MEOX2: variants seen among roughly 807,000 people sequenced by gnomAD.
MEOX2 encodes mesenchyme homeobox 2, also known as homeobox protein MOX-2.
MEOX2 carries 11 observed loss-of-function variants against 27.0 expected under a neutral mutation model. The ratio of observed to expected loss-of-function variants is 0.41; its 90% CI spans 0.26 to 0.68. The LOEUF (loss-of-function observed/expected upper bound fraction) is 0.68. MEOX2 is among the 30% of genes least tolerant of loss of function. MEOX2 has a pLI of 0.33. For synonymous variants in MEOX2, 189 were observed against 155.4 expected (o/e 1.22, Z -1.61); for missense variants, 436 against 385.4 (o/e 1.13, Z -1.10).
intron 1 of MEOX2, among the ~76,000 whole-genome samples, chr7:15,677,281 C>T (rs1782210472): frequency 6.6e-6 from 1 of 152,146 alleles, no homozygotes; most frequent in Non-Finnish European, 1.5e-5. Flanking sequence ...CTTTACTAAG[C>T]CAGACATTGT....
Position 15,617,020 on chromosome 7 carries a change from G to T in MEOX2, c.691-4409C>A, listed in dbSNP as rs1051629654. Among the ~76,000 whole-genome samples, 31 of 151,994 alleles carry T rather than the reference G, an allele frequency of 2.0e-4. 1 individual carries two copies. Among genetic ancestry groups the T allele is most frequent in the Admixed American group, 1.3e-4 (2 of 15,246 alleles). On this transcript the variant is annotated intron_variant, in intron 2 of 2. Coordinates refer to ENST00000262041, the MANE Select transcript of MEOX2 (RefSeq NM_005924.5). ...CAATATATTACCAGACAAAAGAAGT[G>T]ACTTATGAATCTGTATTGTCACACA...
At chr7:15,644,032 G>C (rs561228212) in intron 1 of MEOX2, among the ~76,000 whole-genome samples, 357 of 152,298 alleles carry the variant, frequency 2.3e-3, no homozygotes, top group Non-Finnish European at 3.8e-3. Flanking sequence ...GGCAATATGT[G>C]TTTAAGATGC....
At chr7:15,655,192 T>C (rs910183083) in intron 1 of MEOX2, among the ~76,000 whole-genome samples, 1 of 151,694 alleles carries the variant, frequency 6.6e-6, no homozygotes, top group Non-Finnish European at 1.5e-5. Context: ...ATTTTCTTTT[T>C]GTCCTTTTGA....
At chr7:15,682,813 G>A (rs3801429) in intron 1 of MEOX2, among the ~76,000 whole-genome samples, 41,173 of 151,738 alleles carry the variant, frequency 0.27, 6,490 homozygotes, top group Admixed American at 0.35. Flanking sequence ...CAGTTGTAAA[G>A]TTTTGATTTT....
At chr7:15,636,638 T>C (rs1781481990) in intron 1 of MEOX2, among the ~76,000 whole-genome samples, 1 of 152,070 alleles carries the variant, frequency 6.6e-6, no homozygotes, top group African/African-American at 2.4e-5. Flanking sequence ...GATCTTAAAT[T>C]CAATTATACA....
At chr7:15,680,697 G>A (rs569004351) in intron 1 of MEOX2, 2 of 151,998 alleles carry the variant, frequency 1.3e-5, no homozygotes, top group Non-Finnish European at 2.9e-5. Flanking sequence ...TACAAAACAT[G>A]TATGTCAGTA....
intron 1 of MEOX2, among the ~76,000 whole-genome samples, chr7:15,671,831 C>CTTA (rs957301765): frequency 1.3e-4 from 20 of 152,204 alleles, no homozygotes; most frequent in African/African-American, 3.1e-4. Flanking sequence ...CCACGAAGTG[C>CTTA]TTATCACTTG....
At chr7:15,681,237 T>A (rs1262768928) in intron 1 of MEOX2, 1 of 151,980 alleles carries the variant, frequency 6.6e-6, no homozygotes, top group South Asian at 2.1e-4. Context: ...CTGAGGTGAA[T>A]ACAGTTCAAA....
chr7:15,685,777 A>C, intron 1 of MEOX2, 109 bp downstream of exon 1: 1 of 1,421,902 alleles, frequency 7.0e-7, no homozygotes. Flanking sequence ...AGGGCAACAC[A>C]TTCCCATCTT....
chr7:15,643,248 A>G (rs1022302830), intron 1 of MEOX2, among the ~76,000 whole-genome samples: 2 of 152,088 alleles, frequency 1.3e-5, no homozygotes, highest in African/African-American at 4.8e-5. Flanking sequence ...CAAAGGAAGT[A>G]TTGGTATGTC....
At chr7:15,683,723 G>T (rs1359071416) in intron 1 of MEOX2, among the ~76,000 whole-genome samples, 5 of 152,072 alleles carry the variant, frequency 3.3e-5, no homozygotes, top group Admixed American at 2.6e-4. Flanking sequence ...GATTTAAACA[G>T]AAACTATTGT....
At chr7:15,617,967 C>G (rs546179742) in intron 2 of MEOX2, among the ~76,000 whole-genome samples, 2 of 152,212 alleles carry the variant, frequency 1.3e-5, no homozygotes, top group East Asian at 3.9e-4. Context: ...TTAACCCTTT[C>G]TTGGGGCAAC....
intron 2 of MEOX2, among the ~76,000 whole-genome samples, chr7:15,621,450 C>G (rs2115356775): frequency 6.6e-6 from 1 of 152,234 alleles, no homozygotes; most frequent in East Asian, 1.9e-4. Context: ...ATAGACTACC[C>G]TGACATTGCA....
At chr7:15,622,586 G>A (rs1781237653) in intron 2 of MEOX2, among the ~76,000 whole-genome samples, 1 of 152,040 alleles carries the variant, frequency 6.6e-6, no homozygotes, top group Non-Finnish European at 1.5e-5. Flanking sequence ...CTTAAAGAAT[G>A]AATATGAAAA....
At chr7:15,685,743 G>C in intron 1 of MEOX2, 143 bp downstream of exon 1, 1 of 1,189,002 alleles carries the variant, frequency 8.4e-7, no homozygotes, top group Non-Finnish European at 1.2e-6. Flanking sequence ...CTTCACCGCC[G>C]AATTTGGCCG....
At chr7:15,660,881 C>T (rs950910467) in intron 1 of MEOX2, among the ~76,000 whole-genome samples, 3 of 151,606 alleles carry the variant, frequency 2.0e-5, no homozygotes, top group Admixed American at 2.0e-4. Flanking sequence ...GGCATGATGG[C>T]GGGTGTCTGT....
chr7:15,676,773 A>T (rs539451207), intron 1 of MEOX2, among the ~76,000 whole-genome samples: 1 of 151,794 alleles, frequency 6.6e-6, no homozygotes, highest in Admixed American at 6.6e-5. Flanking sequence ...CAGGAGAATC[A>T]CTTGAACCCG....
intron 1 of MEOX2, among the ~76,000 whole-genome samples, chr7:15,642,164 A>G (rs1781572290): frequency 6.6e-6 from 1 of 152,090 alleles, no homozygotes; most frequent in Admixed American, 6.6e-5. Context: ...CTCTCTAGCA[A>G]TATTAGGGAA....
chr7:15,669,196 T>C (rs1400990277), intron 1 of MEOX2, among the ~76,000 whole-genome samples: 3 of 152,262 alleles, frequency 2.0e-5, no homozygotes, highest in Admixed American at 2.0e-4. Flanking sequence ...AAAGGTTTTC[T>C]CTACACTTCT....
Sources: allele counts gnomAD v4.1 joint callset (sites outside exome capture counted in the v4.1 genomes callset), GRCh38; gene constraint gnomAD v4.1.1; transcripts MANE v1.5; gene names NCBI Gene and HGNC (gene_info 2026-07-23, HGNC 2026-07-21).